The following TAOK3 variants were observed in gnomAD, a reference collection of about 807,000 sequenced individuals.
TAOK3 encodes the protein TAO kinase 3.
Under a neutral mutation model 120.4 loss-of-function variants are expected in TAOK3, and 40 were observed. The ratio of observed to expected loss-of-function variants is 0.33; its 90% confidence interval spans 0.26 to 0.43. TAOK3 has a LOEUF of 0.43. Ranked by LOEUF, TAOK3 falls within the 20% of genes least tolerant of loss-of-function variation. TAOK3 has a pLI of 1.00. For synonymous variants in TAOK3, 355 were observed against 387.5 expected (o/e 0.92, Z 0.99); for missense variants, 821 against 1,112.1 (o/e 0.74, Z 3.72).
chr12:118,332,005 A>G (rs2044171582), intron 1 of TAOK3, among the ~76,000 whole-genome samples: 1 of 152,048 alleles, frequency 6.6e-6, no homozygotes, highest in Non-Finnish European at 1.5e-5. Flanking sequence ...TTTTGTTTTT[A>G]GTAAAGGAGG....
At chr12:118,221,747 G>A (rs2039243983) in intron 9 of TAOK3, among the ~76,000 whole-genome samples, 1 of 144,510 alleles carries the variant, frequency 6.9e-6, no homozygotes, top group Admixed American at 7.4e-5. Context: ...CCATTCTCTT[G>A]CCTCAGTCTC....
chr12:118,204,854 C>T (rs924995318), intron 11 of TAOK3, among the ~76,000 whole-genome samples: 2 of 151,862 alleles, frequency 1.3e-5, no homozygotes, highest in African/African-American at 4.8e-5. Flanking sequence ...ACATGGCAAA[C>T]CCCCATCTCT....
intron 14 of TAOK3, among the ~76,000 whole-genome samples, chr12:118,182,637 TTA>T: frequency 7.3e-6 from 1 of 136,960 alleles, no homozygotes; most frequent in Non-Finnish European, 1.5e-5. Context: ...TTTTTTTTTT[TTA>T]AGGATCATGT....
Position 118,161,451 on chromosome 12 carries a change from C to A in TAOK3, c.2139+337G>T, listed in dbSNP as rs909931952. 5.3e-5 allele frequency among the ~76,000 whole-genome samples: 8 copies of A among 152,192 alleles called. No individual in the cohort carries two copies. The highest frequency in any genetic ancestry group is 3.9e-4 in the Admixed American group (6 of 15,280). On this transcript the variant is annotated intron_variant, in intron 18 of 20. Transcript: ENST00000392533. The surrounding 1 kb of genome is among the most constrained non-coding windows in gnomAD (Gnocchi z 4.5). ...CAGCAGTGCTCAAAGTACCTAACAC[C>A]AATAGAACTTCCTTATTTCCTGGGA...
At chr12:118,322,718 CTTTTT>C (rs199608892) in intron 1 of TAOK3, among the ~76,000 whole-genome samples, 1 of 93,810 alleles carries the variant, frequency 1.1e-5, no homozygotes, top group Non-Finnish European at 1.9e-5. Flanking sequence ...ATTTAAAAAC[CTTTTT>C]TTTTTTTTTT....
chr12:118,192,682 GGAA>G (rs2037494845), intron 13 of TAOK3, among the ~76,000 whole-genome samples: 1 of 152,200 alleles, frequency 6.6e-6, no homozygotes, highest in Non-Finnish European at 1.5e-5. Context: ...CAACTTTACT[GGAA>G]ATATTTTCTG....
At chr12:118,333,658 G>C (rs1449953501) in intron 1 of TAOK3, among the ~76,000 whole-genome samples, 1 of 151,388 alleles carries the variant, frequency 6.6e-6, no homozygotes, top group East Asian at 1.9e-4. Flanking sequence ...ATTGAAAACA[G>C]GAGAAAACAT....
intron 9 of TAOK3, among the ~76,000 whole-genome samples, chr12:118,231,122 T>C (rs1328217313): frequency 6.6e-6 from 1 of 152,188 alleles, no homozygotes; most frequent in Non-Finnish European, 1.5e-5. Context: ...ACCTTGGGTG[T>C]GAAAACGAAT....
intron 12 of TAOK3, 74 bp downstream of exon 12, chr12:118,201,222 T>A: frequency 7.2e-7 from 1 of 1,382,972 alleles, no homozygotes; most frequent in Non-Finnish European, 9.8e-7. Flanking sequence ...CAAAAGTTTT[T>A]CATAGTGCCC....
intron 1 of TAOK3, among the ~76,000 whole-genome samples, chr12:118,335,069 C>T (rs981014411): frequency 4.0e-5 from 6 of 150,552 alleles, no homozygotes; most frequent in Admixed American, 1.3e-4. Flanking sequence ...CCTGTAATCC[C>T]GCTACTTGGC....
At chr12:118,332,960 C>T (rs939779604) in intron 1 of TAOK3, among the ~76,000 whole-genome samples, 2 of 122,880 alleles carry the variant, frequency 1.6e-5, no homozygotes, top group Admixed American at 8.3e-5. Flanking sequence ...TGTACATGCA[C>T]CAAACAACAG....
intron 1 of TAOK3, among the ~76,000 whole-genome samples, chr12:118,282,188 C>A (rs1184221356): frequency 6.6e-6 from 1 of 152,146 alleles, no homozygotes; most frequent in Non-Finnish European, 1.5e-5. Flanking sequence ...AGAGTTTATT[C>A]CGTTCTGTTT....
intron 2 of TAOK3, among the ~76,000 whole-genome samples, chr12:118,266,051 A>G (rs2041433159): frequency 6.6e-6 from 1 of 152,190 alleles, no homozygotes; most frequent in African/African-American, 2.4e-5. Flanking sequence ...CAATATATAT[A>G]TTTCCAGAAA....
At chr12:118,276,185 C>T (rs2041897259) in intron 1 of TAOK3, among the ~76,000 whole-genome samples, 2 of 152,126 alleles carry the variant, frequency 1.3e-5, no homozygotes, top group African/African-American at 4.8e-5. Context: ...AACACTGAGA[C>T]CTGAAAGAAG....
intron 20 of TAOK3, 104 bp from the exon 21 acceptor site, chr12:118,151,262 A>T: frequency 8.3e-7 from 1 of 1,204,124 alleles, no homozygotes; most frequent in African/African-American, 1.6e-5. Context: ...ACACACACAT[A>T]GGCACACACA....
intron 1 of TAOK3, among the ~76,000 whole-genome samples, chr12:118,301,322 A>G (rs2042872952): frequency 6.6e-6 from 1 of 152,198 alleles, no homozygotes; most frequent in Non-Finnish European, 1.5e-5. Flanking sequence ...GAGGCTAAAA[A>G]CAAAACCAAA....
chr12:118,277,054 T>C (rs1322216189), intron 1 of TAOK3, among the ~76,000 whole-genome samples: 1 of 152,224 alleles, frequency 6.6e-6, no homozygotes, highest in Non-Finnish European at 1.5e-5. Context: ...ATACAACTTA[T>C]ATGAAACAAA....
At chr12:118,344,301 A>G (rs966287507) in intron 1 of TAOK3, among the ~76,000 whole-genome samples, 1 of 151,388 alleles carries the variant, frequency 6.6e-6, no homozygotes, top group African/African-American at 2.4e-5. Flanking sequence ...TAGTAAATAC[A>G]TTCCACCTGA....
chr12:118,342,711 A>G (rs2141135281), intron 1 of TAOK3, among the ~76,000 whole-genome samples: 1 of 152,278 alleles, frequency 6.6e-6, no homozygotes, highest in Non-Finnish European at 1.5e-5. Flanking sequence ...AGGCAAGCAG[A>G]TTGCTTGAGC....
Sources: allele counts gnomAD v4.1 joint callset (sites outside exome capture counted in the v4.1 genomes callset), GRCh38; gene constraint gnomAD v4.1.1; non-coding constraint Gnocchi (gnomAD v3.1); transcripts MANE v1.5; gene names NCBI Gene and HGNC (gene_info 2026-07-23, HGNC 2026-07-21).